The following ERI2 variants were observed in gnomAD, a reference collection of about 807,000 sequenced individuals.
The protein encoded by ERI2 is ERI1 exoribonuclease family member 2.
In ERI2, 35 loss-of-function variants were observed where a neutral mutation model predicts 46.8. The ratio of observed to expected loss-of-function variants is 0.75; its 90% CI spans 0.57 to 0.99. The LOEUF (loss-of-function observed/expected upper bound fraction) is 0.99, where lower values mean the gene tolerates loss of function less well. Ranked by LOEUF, ERI2 falls within the 50% of genes least tolerant of loss-of-function variation. The pLI, the probability that ERI2 is intolerant of heterozygous loss-of-function variation, is 0.00. For missense variants in ERI2, 695 were observed against 796.2 expected (o/e 0.87, Z 1.53); for synonymous variants, 224 against 271.0 (o/e 0.83, Z 1.70).
downstream of ERI2, chr16:20,796,017 A>C (rs1323320518): frequency 1.2e-5 from 2 of 171,838 alleles, no homozygotes; most frequent in Non-Finnish European, 2.5e-5. Flanking sequence ...AGAGCAACAA[A>C]AAAATAGCTG....
intron 10 of ERI2, chr16:20,784,702 C>G: frequency 5.8e-6 from 1 of 173,600 alleles, no homozygotes; most frequent in African/African-American, 2.4e-5. Context: ...TAAATTATAC[C>G]TCCACCACAA....
At position 20,798,998 on chromosome 16, in the gene ERI2, C is replaced by A. The variant is rs1425297887; in HGVS notation, c.802G>T (p.Ala268Ser). 11 of 1,536,082 alleles carry A rather than the reference C, an allele frequency of 7.2e-6. No homozygotes were observed. The highest frequency in any genetic ancestry group is 2.1e-5 in the Admixed American group (1 of 46,736). ...LNTIQVEEMS[A>S]CNISIQGPSI... ...GGACCCTGGATGCTAATGTTACAGG[C>A]AGACATTTCTTCAACTTGAATTGTA... The change falls in exon 9 of 9, where the codon GCC (alanine) becomes TCC (serine). Residue 268 changes from alanine to serine, a missense_variant. Coordinates refer to ENST00000357967, the MANE Select transcript of ERI2 (RefSeq NM_001142725.2).
chr16:20,789,459 C>T, intron 10 of ERI2: 1 of 1,575,266 alleles, frequency 6.3e-7, no homozygotes, highest in Non-Finnish European at 8.7e-7. Flanking sequence ...GGTAAGAGAG[C>T]AAGGCTGTGG....
At chr16:20,786,416 C>T (rs2080476435) in intron 10 of ERI2, 6 of 655,350 alleles carry the variant, frequency 9.2e-6, no homozygotes, top group African/African-American at 1.9e-5. Flanking sequence ...TGCAGTGGCT[C>T]ACGCCTGTAA....
intron 10 of ERI2, among the ~76,000 whole-genome samples, chr16:20,788,802 C>A (rs1461275253): frequency 6.6e-6 from 1 of 152,156 alleles, no homozygotes; most frequent in Non-Finnish European, 1.5e-5. Flanking sequence ...AAAATACTTC[C>A]TTTCCATCAA....
chr16:20,802,859 A>G lies in ERI2; in HGVS notation c.240T>C (p.Tyr80=), dbSNP rs771132041. Reference sequence around the variant, plus strand: ...GAATTGGATGTTCCTGAGGTTGAACATAAGCCTGGAACTCAGAGTCAATCT... The same window carrying G: ...GAATTGGATGTTCCTGAGGTTGAACGTAAGCCTGGAACTCAGAGTCAATCT... ...TGQIDSEFQA[Y]VQPQEHPILS... Residue 80 remains tyrosine (Y), a synonymous_variant, in exon 4 of 9, where the codon TAT becomes TAC. Transcript: ENST00000357967. 5.6e-6 allele frequency: 9 copies of G among 1,611,834 alleles called. No homozygotes were observed. Among genetic ancestry groups the G allele is most frequent in the Admixed American group, 3.3e-5 (2 of 60,014 alleles).
Position 20,799,407 on chromosome 16 carries a change from T to G in ERI2, c.644-56A>C, listed in dbSNP as rs968698873. 1.0e-5 allele frequency: 15 copies of G among 1,505,806 alleles called. No homozygotes were observed. In the South Asian group the frequency reaches 1.8e-4, roughly 18 times the overall value. 93.3% of individuals were successfully genotyped at this position (1,505,806 alleles called of 1,614,324 possible). Reference sequence around the variant, plus strand: ...AGTGGTACTAGTACTATTTCCTTAGTACTAAAGAAATAACTTAAAAAGAAA... The same window carrying G: ...AGTGGTACTAGTACTATTTCCTTAGGACTAAAGAAATAACTTAAAAAGAAA... On this transcript the variant is annotated intron_variant, in intron 7 of 8. Transcript: ENST00000357967.
chr16:20,794,211 G>A (rs2080669340), downstream of ERI2, among the ~76,000 whole-genome samples: 1 of 152,184 alleles, frequency 6.6e-6, no homozygotes, highest in South Asian at 2.1e-4. Context: ...TAATTGGGTA[G>A]CAAGTTCCAG....
intron 1 of ERI2, 25 bp downstream of exon 1, chr16:20,806,383 C>T: frequency 6.5e-7 from 1 of 1,549,758 alleles, no homozygotes; most frequent in Non-Finnish European, 8.7e-7. Flanking sequence ...GCTACCCGCC[C>T]CCGACCCGGA....
Position 20,797,734 on chromosome 16 carries a change from A to G in ERI2, c.2066T>C (p.Met689Thr). The G allele has an allele frequency of 6.5e-7, 1 of 1,542,906 alleles. No individual in the cohort carries two copies. Among genetic ancestry groups the G allele is most frequent in the South Asian group, 1.2e-5 (1 of 82,206 alleles). The change falls in exon 9 of 9, where the codon ATG becomes ACG. Residue 689 changes from methionine (M) to threonine (T), a missense_variant. Coordinates refer to ENST00000357967, the MANE Select transcript of ERI2 (RefSeq NM_001142725.2). ...TKNSLRLRPS[M>T]RN ...ATACATGAAAGGTTATCAATTCCTC[A>G]TTGAAGGCCTGAGTCTCAAAGAATT...
In ERI2 at chr16:20,798,086, G is replaced by A. The variant is rs541690970; in HGVS notation, c.1714C>T (p.Arg572Cys). 1.4e-5 allele frequency: 22 copies of A among 1,551,484 alleles called. No homozygotes were observed. Among genetic ancestry groups the A allele is most frequent in the East Asian group, 4.9e-5 (2 of 40,898 alleles). The change falls in exon 9 of 9, where the codon CGT becomes TGT. Residue 572 changes from arginine (R) to cysteine (C), a missense_variant. Coordinates refer to ENST00000357967, the MANE Select transcript of ERI2 (RefSeq NM_001142725.2). The part of the protein sequence containing the change: ...CSPVRSSSWR[R>C]LPSILTSTVN... ...GTAGAAGTTAATATAGATGGGAGAC[G>A]CCTCCAGGAAGAACTTCTTACTGGG...
chr16:20,782,287 T>C (rs539794737), intron 10 of ERI2, among the ~76,000 whole-genome samples: 5 of 152,268 alleles, frequency 3.3e-5, no homozygotes, highest in South Asian at 2.1e-4. Flanking sequence ...CAGGTGGTGT[T>C]TGGTTACATG....
Position 20,797,318 on chromosome 16 carries a change from A to C in ERI2, c.*406T>G. ...TAATTCTTCTGATATGTTGATATAC[A>C]AATCAGAACCAATGTTCAAGCCTGA... On this transcript the variant is annotated 3_prime_UTR_variant, in exon 9 of 9. Transcript: ENST00000357967. 9.8e-7 allele frequency: 1 copy of C among 1,017,438 alleles called. No homozygotes were observed. Among genetic ancestry groups the C allele is most frequent in the Non-Finnish European group, 1.2e-6 (1 of 852,372 alleles). The allele number at this position is 1,017,438 out of a possible 1,614,324, so 63.0% of individuals were successfully genotyped here.
chr16:20,806,100 A>G, intron 1 of ERI2: 2 of 1,302,184 alleles, frequency 1.5e-6, no homozygotes, highest in Non-Finnish European at 1.9e-6. Flanking sequence ...TCTGCAGGGC[A>G]CTGTCACGTC....
intron 1 of ERI2, 131 bp downstream of exon 1, chr16:20,806,277 G>A: frequency 2.8e-6 from 4 of 1,450,542 alleles, no homozygotes; most frequent in Non-Finnish European, 2.7e-6. Context: ...AGAGAGGGCA[G>A]GTCGCAGACG....
At chr16:20,781,492 C>A (rs2080352352) in intron 10 of ERI2, among the ~76,000 whole-genome samples, 2 of 152,116 alleles carry the variant, frequency 1.3e-5, no homozygotes, top group African/African-American at 4.8e-5. Flanking sequence ...GGAGGATATG[C>A]ATAGGTTATA....
At chr16:20,799,801 T>C in intron 7 of ERI2, 156 bp downstream of exon 7, 2 of 530,700 alleles carry the variant, frequency 3.8e-6, no homozygotes, top group Non-Finnish European at 6.8e-6. Flanking sequence ...AAGTGGTAAT[T>C]TGAAAGTCTT....
chr16:20,801,686 A>C (rs974200506), intron 4 of ERI2, among the ~76,000 whole-genome samples: 3 of 152,164 alleles, frequency 2.0e-5, no homozygotes, highest in African/African-American at 7.2e-5. Flanking sequence ...TGAGTCACTT[A>C]ATTTCCATAA....
At chr16:20,799,234 A>T in intron 8 of ERI2, 29 bp downstream of exon 8, 1 of 1,609,536 alleles carries the variant, frequency 6.2e-7, no homozygotes, top group Non-Finnish European at 8.5e-7. Flanking sequence ...GTTTGAGATG[A>T]CAGAATAAAA....
Sources: gnomAD v4.1 joint callset for allele counts (sites outside exome capture counted in the v4.1 genomes callset) on GRCh38, gnomAD v4.1.1 for gene constraint, MANE v1.5 for transcripts, NCBI Gene and HGNC (gene_info 2026-07-23, HGNC 2026-07-21) for gene names.